CRYBG1: variants seen among roughly 807,000 people sequenced by gnomAD.
CRYBG1 encodes crystallin beta-gamma domain containing 1, also known as beta/gamma crystallin domain-containing protein 1.
Under a neutral mutation model 189.2 loss-of-function variants are expected in CRYBG1, and 139 were observed. The ratio of observed to expected loss-of-function variants is 0.73; its 90% CI spans 0.64 to 0.85. The LOEUF is 0.85. Among genes scored for constraint, CRYBG1 ranks in the 40% least tolerant of loss-of-function variants. The pLI is 0.00. For synonymous variants in CRYBG1, 1,023 were observed against 1,017.1 expected, an observed-to-expected ratio of 1.01 and a Z score of -0.11; for missense variants, 2,611 against 2,675.8, an observed-to-expected ratio of 0.98 and a Z score of 0.53.
chr6:106,426,689 G>A (rs1177424121), intron 1 of CRYBG1, among the ~76,000 whole-genome samples: 3 of 152,206 alleles, frequency 2.0e-5, no homozygotes, highest in African/African-American at 7.2e-5. Context: ...TGGAGAAGCA[G>A]AGGAGAATGC....
chr6:106,372,262 C>CTTT (rs372604997), intron 1 of CRYBG1, among the ~76,000 whole-genome samples: 2 of 147,804 alleles, frequency 1.4e-5, no homozygotes, highest in Non-Finnish European at 3.0e-5. Flanking sequence ...TTTGTCATTA[C>CTTT]TTTTTTTTTT....
rs1309307479 is a variant in CRYBG1 at position 106,520,642 on chromosome 6, A to G, written c.3434A>G (p.Glu1145Gly). Residue 1145 changes from glutamate to glycine, a missense_variant, in exon 4 of 22, where the codon GAA (glutamate) becomes GGA (glycine). Physicochemically the swap from Glu to Gly is moderately conservative, Grantham distance 98. Around this residue, in one of 3 missense-constraint regions of CRYBG1, gnomAD observed 1,622 missense variants for 1,735.0 expected, o/e 0.93. Transcript: ENST00000633556. ...APHFAMPPIH[E>G]DHLEKVFDPK... is the part of the protein sequence containing the mutation. ...CACTTTGCCATGCCTCCTATTCACGAAGACCATTTAGAAAAGGTGTTTGAT... is the reference window on the plus strand; with the variant it reads ...CACTTTGCCATGCCTCCTATTCACGGAGACCATTTAGAAAAGGTGTTTGAT... The G allele has an allele frequency of 8.7e-6, 14 of 1,614,084 alleles. No individual in the cohort carries two copies. Among genetic ancestry groups the G allele is most frequent in the African/African-American group, 1.3e-5 (1 of 74,922 alleles).
At position 106,520,945 on chromosome 6, in the gene CRYBG1, T is replaced by G. The variant is rs777312523; in HGVS notation, c.3737T>G (p.Leu1246Trp). The change falls in exon 4 of 22, where the codon TTG (leucine) becomes TGG (tryptophan). Residue 1246 changes from leucine (L) to tryptophan (W), a missense_variant. This residue lies in a region of CRYBG1 where 1,622 missense variants were observed against 1,735.0 expected (regional missense o/e 0.93). Coordinates refer to ENST00000633556, the MANE Select transcript of CRYBG1 (RefSeq NM_001371242.2). ...GAAAAAAGTGCACTTTTCTCAAGCT[T>G]GTTATCTTCTTTACCACAAGACAAA... ...RLEKSALFSS[L>W]LSSLPQDKIF... 90 of 1,614,178 alleles carry G rather than the reference T, an allele frequency of 5.6e-5. No homozygotes were observed. Among genetic ancestry groups the G allele is most frequent in the Non-Finnish European group, 7.6e-5 (90 of 1,180,018 alleles).
At chr6:106,421,423 T>C (rs1377886818) in intron 1 of CRYBG1, among the ~76,000 whole-genome samples, 1 of 152,028 alleles carries the variant, frequency 6.6e-6, no homozygotes, top group Non-Finnish European at 1.5e-5. Flanking sequence ...GTGGGGAAGA[T>C]GGGGTGGCAG....
intron 1 of CRYBG1, among the ~76,000 whole-genome samples, chr6:106,379,130 T>C (rs574025146): frequency 6.6e-6 from 1 of 152,298 alleles, no homozygotes; most frequent in Admixed American, 6.5e-5. Flanking sequence ...GCCTGGGCGA[T>C]AGAGCCAGAC....
At chr6:106,447,545 TAA>T (rs1308576745) in intron 1 of CRYBG1, among the ~76,000 whole-genome samples, 1 of 40,054 alleles carries the variant, frequency 2.5e-5, no homozygotes, top group Non-Finnish European at 7.1e-5. Context: ...ATGTACCTCA[TAA>T]ATATATATAT....
chr6:106,442,137 G>A (rs1771577174), intron 1 of CRYBG1, among the ~76,000 whole-genome samples: 1 of 152,188 alleles, frequency 6.6e-6, no homozygotes, highest in Non-Finnish European at 1.5e-5. Context: ...GTAGGTGTTT[G>A]TGAGTTCAGA....
chr6:106,426,688 AGAG>A (rs1409944301), intron 1 of CRYBG1, among the ~76,000 whole-genome samples: 1 of 152,212 alleles, frequency 6.6e-6, no homozygotes, highest in Non-Finnish European at 1.5e-5. Flanking sequence ...CTGGAGAAGC[AGAG>A]GAGAATGCCT....
intron 6 of CRYBG1, among the ~76,000 whole-genome samples, chr6:106,526,773 T>C (rs1032395554): frequency 6.6e-6 from 1 of 151,768 alleles, no homozygotes; most frequent in Admixed American, 6.6e-5. Flanking sequence ...AAACTCAGTC[T>C]CTACTAAAAA....
intron 2 of CRYBG1, among the ~76,000 whole-genome samples, chr6:106,470,183 G>A (rs893297541): frequency 3.3e-5 from 5 of 152,194 alleles, no homozygotes; most frequent in Admixed American, 6.5e-5. Flanking sequence ...TCAGAGCCAG[G>A]TGTGGTAGCT....
At chr6:106,417,947 G>A (rs887419368) in intron 1 of CRYBG1, among the ~76,000 whole-genome samples, 17 of 152,374 alleles carry the variant, frequency 1.1e-4, no homozygotes, top group African/African-American at 4.1e-4. Context: ...CAGCTCAGTC[G>A]GCCCCTGGCC....
At position 106,525,249 on chromosome 6, in the gene CRYBG1, C is replaced by T. The variant is rs1220348048; in HGVS notation, c.4294-19C>T. 1 of 1,613,232 alleles carries T rather than the reference C, an allele frequency of 6.2e-7. No individual in the cohort carries two copies. Among genetic ancestry groups the T allele is most frequent in the Non-Finnish European group, 8.5e-7 (1 of 1,179,328 alleles). On this transcript the variant is annotated intron_variant, in intron 5 of 21. Transcript: ENST00000633556. ...GACAGAGTACAACAAAGTGTGCTAC[C>T]ACTTTCGTTTTCTTGCAGGTAGTGA... is the stretch of plus-strand genomic sequence containing the variant.
chr6:106,548,814 A>G (rs906585850), intron 13 of CRYBG1, among the ~76,000 whole-genome samples: 2 of 151,650 alleles, frequency 1.3e-5, no homozygotes, highest in South Asian at 2.1e-4. Context: ...ACATATGTAT[A>G]CATGTGCCAT....
At chr6:106,559,214 T>C (rs1407993375) in intron 18 of CRYBG1, among the ~76,000 whole-genome samples, 2 of 152,154 alleles carry the variant, frequency 1.3e-5, no homozygotes, top group African/African-American at 4.8e-5. Flanking sequence ...ACTTATCCCT[T>C]TAAAAAAGAG....
At chr6:106,543,349 G>A in intron 10 of CRYBG1, 91 bp from the exon 11 acceptor site, 2 of 1,328,770 alleles carry the variant, frequency 1.5e-6, no homozygotes, top group Non-Finnish European at 2.1e-6. Context: ...TAATTTGTGT[G>A]TCAGGACTTA....
intron 2 of CRYBG1, among the ~76,000 whole-genome samples, chr6:106,478,978 ATTATACAATGTGTAGCT>A: frequency 1.3e-5 from 2 of 152,338 alleles, no homozygotes; most frequent in South Asian, 4.1e-4. Flanking sequence ...TCTGAGTGGA[ATTATACAATGTGTAGCT>A]TTTTGCGTCT....
At chr6:106,428,613 G>T (rs1771269818) in intron 1 of CRYBG1, among the ~76,000 whole-genome samples, 1 of 152,132 alleles carries the variant, frequency 6.6e-6, no homozygotes, top group Admixed American at 6.6e-5. Context: ...TATTCTACAG[G>T]TGAAGAATCT....
chr6:106,561,935 T>C (rs747021812), intron 20 of CRYBG1, among the ~76,000 whole-genome samples: 8 of 152,206 alleles, frequency 5.3e-5, no homozygotes, highest in Non-Finnish European at 7.3e-5. Flanking sequence ...CTAAGTGTCA[T>C]ACGTTGTAAA....
chr6:106,372,628 G>A (rs149891338), intron 1 of CRYBG1, among the ~76,000 whole-genome samples: 55 of 152,288 alleles, frequency 3.6e-4, no homozygotes, highest in African/African-American at 8.7e-4. Flanking sequence ...GTTTGAGCAC[G>A]TTCACTGAGA....
Sources: allele counts gnomAD v4.1 joint callset (sites outside exome capture counted in the v4.1 genomes callset), GRCh38; gene constraint gnomAD v4.1.1; regional missense constraint gnomAD v4.1.1; transcripts MANE v1.5; gene names NCBI Gene and HGNC (gene_info 2026-07-23, HGNC 2026-07-21).